Variants in PLA2G12A observed in about 807,000 individuals in gnomAD.
PLA2G12A encodes the protein group XIIA secretory phospholipase A2.
In PLA2G12A, 11 loss-of-function variants were observed where a neutral mutation model predicts 16.0. The ratio of observed to expected loss-of-function variants is 0.69; its 90% CI spans 0.43 to 1.13. The LOEUF is 1.13. Ranked by LOEUF, PLA2G12A falls within the 50% of genes most tolerant of loss-of-function variation. PLA2G12A has a pLI of 0.00. For synonymous variants in PLA2G12A, 77 were observed against 93.8 expected (o/e 0.82, Z 1.03); for missense variants, 214 against 237.3 (o/e 0.90, Z 0.65).
At position 109,729,895 on chromosome 4, in the gene PLA2G12A, G is replaced by A; in HGVS notation, c.-86C>T. The A allele has an allele frequency of 8.2e-7, 1 of 1,222,724 alleles. No homozygotes were observed. 75.7% of individuals were successfully genotyped at this position (1,222,724 alleles called of 1,614,324 possible). On this transcript the variant is annotated 5_prime_UTR_variant, in exon 1 of 4. Coordinates refer to ENST00000243501, the MANE Select transcript of PLA2G12A (RefSeq NM_030821.5). ...TCCCCAGGACGCGCTAGGCAGCGGC[G>A]CGGGCCCCGGACTTGGCAGCAGCCA...
chr4:109,727,100 A>G (rs1162098453), intron 1 of PLA2G12A, among the ~76,000 whole-genome samples: 1 of 151,764 alleles, frequency 6.6e-6, no homozygotes, highest in African/African-American at 2.4e-5. Flanking sequence ...CTCGAGTAAC[A>G]GCAATTTTAT....
chr4:109,723,212 T>TTA (rs529597485), intron 1 of PLA2G12A, among the ~76,000 whole-genome samples: 1 of 149,400 alleles, frequency 6.7e-6, no homozygotes, highest in African/African-American at 2.5e-5. Context: ...TAGACAGTAG[T>TTA]AAAAAAAAAA....
rs557604677 is a variant in PLA2G12A, at chr4:109,712,851, G to A, written c.*1526C>T. 1 of 152,218 alleles carries A rather than the reference G, an allele frequency of 6.6e-6. No homozygotes were observed. The highest frequency in any genetic ancestry group is 2.1e-4 in the South Asian group (1 of 4,812). 9.4% of individuals were successfully genotyped at this position (152,218 alleles called of 1,614,324 possible). Reference sequence around the variant, plus strand: ...AAAACTGTACCTTTTATAAAGGTTTGAAATAAAGAATCAATTGAGGGTCCC... The same window carrying A: ...AAAACTGTACCTTTTATAAAGGTTTAAAATAAAGAATCAATTGAGGGTCCC... On this transcript the variant is annotated 3_prime_UTR_variant, in exon 4 of 4. Transcript: ENST00000243501.
Position 109,729,639 on chromosome 4 carries a change from T to A in PLA2G12A, c.171A>T (p.Gly57=). 1 of 1,611,896 alleles carries A rather than the reference T, an allele frequency of 6.2e-7. No homozygotes were observed. Among genetic ancestry groups the A allele is most frequent in the South Asian group, 1.1e-5 (1 of 90,982 alleles). Residue 57 remains glycine (G), a synonymous_variant, in exon 1 of 4, where the codon GGA becomes GGT. Coordinates refer to ENST00000243501, the MANE Select transcript of PLA2G12A (RefSeq NM_030821.5). ...TYLNAALDLL[G]GEDGLCQYKC... Reference sequence around the variant, plus strand: ...TATACTGGCAGAGACCGTCCTCGCCTCCCAGGAGGTCCAAGGCGGCGTTCA... The same window carrying A: ...TATACTGGCAGAGACCGTCCTCGCCACCCAGGAGGTCCAAGGCGGCGTTCA...
Position 109,712,318 on chromosome 4 carries a change from T to G in PLA2G12A, c.*2059A>C, listed in dbSNP as rs1028407689. The G allele has an allele frequency of 6.8e-6, 1 of 146,784 alleles. No homozygotes were observed. The highest frequency in any genetic ancestry group is 2.5e-5 in the African/African-American group (1 of 40,234). The allele number at this position is 146,784 out of a possible 1,614,324, so 9.1% of individuals were successfully genotyped here. A position where few individuals can be genotyped will look rare whatever the true frequency, so the allele number is the denominator to read the frequency against. ...TCTGTAAATCTAAAATTATCCCAAG[T>G]TTTTTTTTTTAATCTGAACATAAAA... On this transcript the variant is annotated 3_prime_UTR_variant, in exon 4 of 4. Transcript: ENST00000243501.
chr4:109,728,982 A>G (rs114751411), intron 1 of PLA2G12A, among the ~76,000 whole-genome samples: 2,777 of 152,326 alleles, frequency 0.018, 45 homozygotes, highest in Non-Finnish European at 0.028. Flanking sequence ...AGTTCAAAAA[A>G]TATTAAAAGA....
Position 109,714,349 on chromosome 4 carries a change from C to T in PLA2G12A, c.*28G>A. ...TGTCAAAGGTATGTTCTTCCATCTT[C>T]ATCTGTCACTAGCTGTCGGCATCTC... On this transcript the variant is annotated 3_prime_UTR_variant, in exon 4 of 4. Transcript: ENST00000243501. 7.3e-7 allele frequency: 1 copy of T among 1,369,738 alleles called. No homozygotes were observed. The highest frequency in any genetic ancestry group is 2.3e-5 in the East Asian group (1 of 43,772). The allele number at this position is 1,369,738 out of a possible 1,614,324, so 84.8% of individuals were successfully genotyped here.
chr4:109,722,006 C>T (rs1445509565), intron 1 of PLA2G12A, among the ~76,000 whole-genome samples: 1 of 152,120 alleles, frequency 6.6e-6, no homozygotes, highest in African/African-American at 2.4e-5. Flanking sequence ...TCCCCTGCTC[C>T]ACACCAACCC....
chr4:109,719,325 A>T (rs898735788), intron 1 of PLA2G12A, among the ~76,000 whole-genome samples: 3 of 151,980 alleles, frequency 2.0e-5, no homozygotes, highest in Non-Finnish European at 4.4e-5. Context: ...AAGACCACGC[A>T]TTCTGCCTGC....
intron 3 of PLA2G12A, among the ~76,000 whole-genome samples, chr4:109,715,563 GCAACCTCTGC>G (rs1730815291): frequency 6.6e-6 from 1 of 152,050 alleles, no homozygotes; most frequent in Non-Finnish European, 1.5e-5. Context: ...TTGGTTCACT[GCAACCTCTGC>G]CTCCTGGGTT....
Position 109,729,903 on chromosome 4 carries a change from C to G in PLA2G12A, c.-94G>C, listed in dbSNP as rs963954136. 2.5e-5 allele frequency: 28 copies of G among 1,131,578 alleles called. No homozygotes were observed. The highest frequency in any genetic ancestry group is 1.9e-4 in the Admixed American group (6 of 31,622). The allele number at this position is 1,131,578 out of a possible 1,614,324, so 70.1% of individuals were successfully genotyped here. A position where few individuals can be genotyped will look rare whatever the true frequency, so the allele number is the denominator to read the frequency against. ...ACGCGCTAGGCAGCGGCGCGGGCCC[C>G]GGACTTGGCAGCAGCCAGCTCCATA... On this transcript the variant is annotated 5_prime_UTR_variant, in exon 1 of 4. Transcript: ENST00000243501.
At chr4:109,725,887 A>G (rs1178245489) in intron 1 of PLA2G12A, among the ~76,000 whole-genome samples, 1 of 152,168 alleles carries the variant, frequency 6.6e-6, no homozygotes, top group African/African-American at 2.4e-5. Context: ...CAAACACTTG[A>G]GACTTTAAGT....
rs1417005065 is a variant in PLA2G12A, at chr4:109,729,964, G to C, written c.-155C>G. ...CTTCCCGGCTGGCCCTCAGGATCTCGCTGTCTTTACGTGAACCGCCTCGGG... is the reference window on the plus strand; with the variant it reads ...CTTCCCGGCTGGCCCTCAGGATCTCCCTGTCTTTACGTGAACCGCCTCGGG... On this transcript the variant is annotated 5_prime_UTR_variant, in exon 1 of 4. Coordinates refer to ENST00000243501, the MANE Select transcript of PLA2G12A (RefSeq NM_030821.5). 1 of 644,112 alleles carries C rather than the reference G, an allele frequency of 1.6e-6. No homozygotes were observed. Among genetic ancestry groups the C allele is most frequent in the Non-Finnish European group, 2.5e-6 (1 of 399,028 alleles). The allele number at this position is 644,112 out of a possible 1,614,324, so 39.9% of individuals were successfully genotyped here. A position where few individuals can be genotyped will look rare whatever the true frequency, so the allele number is the denominator to read the frequency against.
At chr4:109,718,799 G>A in intron 1 of PLA2G12A, 40 bp from the exon 2 acceptor site, 1 of 1,371,352 alleles carries the variant, frequency 7.3e-7, no homozygotes, top group Middle Eastern at 1.9e-4. Flanking sequence ...TTTCAAATAT[G>A]ATAAAAGTAA....
intron 1 of PLA2G12A, among the ~76,000 whole-genome samples, chr4:109,722,147 A>G (rs1010641232): frequency 2.9e-4 from 44 of 152,232 alleles, no homozygotes; most frequent in African/African-American, 1.1e-3. Context: ...TATAAAGCCT[A>G]TGAAACCCTG....
chr4:109,711,151 G>A lies in PLA2G12A; in HGVS notation c.*3226C>T, dbSNP rs1176461557. ...ATCTAAACATATGCCACAAAATTTTGGGACAAATTTTGAGTTGAAGACGGC... is the reference window on the plus strand; with the variant it reads ...ATCTAAACATATGCCACAAAATTTTAGGACAAATTTTGAGTTGAAGACGGC... On this transcript the variant is annotated 3_prime_UTR_variant, in exon 4 of 4. Transcript: ENST00000243501. 1 of 137,688 alleles carries A rather than the reference G, an allele frequency of 7.3e-6. No individual in the cohort carries two copies. Among genetic ancestry groups the A allele is most frequent in the Non-Finnish European group, 1.5e-5 (1 of 65,934 alleles). 8.5% of individuals were successfully genotyped at this position (137,688 alleles called of 1,614,324 possible).
At chr4:109,720,194 T>C (rs1730897658) in intron 1 of PLA2G12A, among the ~76,000 whole-genome samples, 1 of 152,194 alleles carries the variant, frequency 6.6e-6, no homozygotes, top group Non-Finnish European at 1.5e-5. Flanking sequence ...TCCTTTCAAA[T>C]ATTTTGGGCT....
chr4:109,717,676 T>C lies in PLA2G12A; in HGVS notation c.323A>G (p.Asn108Ser), dbSNP rs1304442184. The change falls in exon 3 of 4, where the codon AAC becomes AGC. Residue 108 changes from asparagine (N) to serine (S), a missense_variant. By Grantham distance (46) the Asn-to-Ser change is conservative. Coordinates refer to ENST00000243501, the MANE Select transcript of PLA2G12A (RefSeq NM_030821.5). ...IGIPSLTKCC[N>S]QHDRCYETCG... ...GGTCTCATAGCACCTGTCGTGTTGG[T>C]TGCAACACTTTGTCAGGGAAGGGAT... is the stretch of plus-strand genomic sequence containing the variant. 12 of 1,613,960 alleles carry C rather than the reference T, an allele frequency of 7.4e-6. No homozygotes were observed. Among genetic ancestry groups the C allele is most frequent in the Non-Finnish European group, 8.5e-6 (10 of 1,179,860 alleles).
chr4:109,727,163 G>A, intron 1 of PLA2G12A, among the ~76,000 whole-genome samples: 1 of 151,652 alleles, frequency 6.6e-6, no homozygotes, highest in Admixed American at 6.6e-5. Context: ...TGTCACCCAG[G>A]CTGGAGGCAC....
Sources: allele counts gnomAD v4.1 joint callset (sites outside exome capture counted in the v4.1 genomes callset), GRCh38; gene constraint gnomAD v4.1.1; transcripts MANE v1.5; gene names NCBI Gene and HGNC (gene_info 2026-07-23, HGNC 2026-07-21).